KALRN: variants seen among roughly 807,000 people sequenced by gnomAD.
The protein encoded by KALRN is kalirin.
Under a neutral mutation model 353.7 loss-of-function variants are expected in KALRN, and 70 were observed. That is an observed-to-expected ratio of 0.20 (90% confidence interval 0.16 to 0.24). The LOEUF is 0.24. Among genes scored for constraint, KALRN ranks in the 10% least tolerant of loss-of-function variants. KALRN has a pLI of 1.00. For missense variants in KALRN, 2,791 were observed against 3,756.7 expected (o/e 0.74, Z 6.72); for synonymous variants, 1,391 against 1,434.8 (o/e 0.97, Z 0.69).
At chr3:124,375,287 C>G (rs1194351792) in intron 10 of KALRN, among the ~76,000 whole-genome samples, 1 of 152,232 alleles carries the variant, frequency 6.6e-6, no homozygotes, top group African/African-American at 2.4e-5. Flanking sequence ...GCGCACGCCT[C>G]ATTTTGGTCT....
At chr3:124,419,724 T>C (rs1334710071) in intron 14 of KALRN, among the ~76,000 whole-genome samples, 1 of 152,150 alleles carries the variant, frequency 6.6e-6, no homozygotes, top group African/African-American at 2.4e-5. Flanking sequence ...GATTGGAGTA[T>C]GGGCACAGGA....
intron 4 of KALRN, among the ~76,000 whole-genome samples, chr3:124,267,381 T>TTA (rs1411337896): frequency 6.6e-6 from 1 of 152,186 alleles, no homozygotes; most frequent in African/African-American, 2.4e-5. Flanking sequence ...ATTCTGCATT[T>TTA]CTAACAAGCT....
intron 1 of KALRN, among the ~76,000 whole-genome samples, chr3:124,090,250 C>G (rs2061038346): frequency 6.6e-6 from 1 of 152,038 alleles, no homozygotes; most frequent in Non-Finnish European, 1.5e-5. Flanking sequence ...TGGTTTAGAG[C>G]CCAGGGCAGT....
Position 124,492,805 on chromosome 3 carries a change from C to A in KALRN, c.4755C>A (p.Ile1585=). ...TTCGAGAAGTGATTCAAGAAAGGAT[C>A]ATTCACCTGAAAGGAGCTTTAAAGG... ...KNIREVIQER[I]IHLKGALKEP... The change falls in exon 32 of 60, where the codon ATC becomes ATA. Residue 1585 remains isoleucine (I), a synonymous_variant. Transcript: ENST00000682506. 1 of 1,614,070 alleles carries A rather than the reference C, an allele frequency of 6.2e-7. No individual in the cohort carries two copies. The highest frequency in any genetic ancestry group is 1.1e-5 in the South Asian group (1 of 91,078).
At chr3:124,132,311 G>T (rs1276964189) in intron 1 of KALRN, among the ~76,000 whole-genome samples, 2 of 152,108 alleles carry the variant, frequency 1.3e-5, no homozygotes, top group Non-Finnish European at 2.9e-5. Context: ...TGCTTAGTTT[G>T]GGGCCACATT....
At chr3:124,052,619 C>T (rs2041148178) in intron 1 of KALRN, among the ~76,000 whole-genome samples, 1 of 152,076 alleles carries the variant, frequency 6.6e-6, no homozygotes, top group South Asian at 2.1e-4. Context: ...GCCATCTTGG[C>T]TCTCTTACAT....
chr3:124,441,265 G>A (rs1262218618), intron 18 of KALRN, among the ~76,000 whole-genome samples: 1 of 152,224 alleles, frequency 6.6e-6, no homozygotes, highest in East Asian at 1.9e-4. Context: ...GGTCACGTAA[G>A]AGGCATTCTG....
At chr3:124,398,658 A>T in intron 12 of KALRN, 39 bp from the exon 13 acceptor site, 1 of 1,608,554 alleles carries the variant, frequency 6.2e-7, no homozygotes, top group Non-Finnish European at 8.5e-7. Context: ...TAACATGGAA[A>T]GGCCTCTCCC....
chr3:124,450,715 A>G (rs963894916), intron 21 of KALRN, among the ~76,000 whole-genome samples: 3 of 152,062 alleles, frequency 2.0e-5, no homozygotes, highest in Non-Finnish European at 4.4e-5. Flanking sequence ...GGTGCTTGCC[A>G]CCAGGTCTGG....
chr3:124,640,037 C>T (rs2081859605), intron 37 of KALRN, among the ~76,000 whole-genome samples: 1 of 152,104 alleles, frequency 6.6e-6, no homozygotes, highest in Non-Finnish European at 1.5e-5. Context: ...TTTTCACCTT[C>T]GAGACTCTTA....
At chr3:124,605,893 C>T (rs1032712608) in intron 34 of KALRN, among the ~76,000 whole-genome samples, 2 of 152,120 alleles carry the variant, frequency 1.3e-5, no homozygotes, top group African/African-American at 2.4e-5. Context: ...TTCCATTACA[C>T]GAGTGAAATC....
chr3:124,291,402 A>G (rs1376541525), intron 5 of KALRN, among the ~76,000 whole-genome samples: 1 of 152,180 alleles, frequency 6.6e-6, no homozygotes, highest in East Asian at 1.9e-4. Flanking sequence ...CATAAGAAAC[A>G]TGATTTAGCA....
At chr3:124,348,577 T>C (rs765383403) in intron 10 of KALRN, among the ~76,000 whole-genome samples, 4 of 152,154 alleles carry the variant, frequency 2.6e-5, no homozygotes, top group Non-Finnish European at 4.4e-5. Context: ...TATAGAACCC[T>C]TGTGCACTGT....
At chr3:124,198,569 G>A (rs1331814598) in intron 1 of KALRN, among the ~76,000 whole-genome samples, 1 of 152,160 alleles carries the variant, frequency 6.6e-6, no homozygotes, top group East Asian at 1.9e-4. Flanking sequence ...GCTACCAGGG[G>A]CTTCTCCCAG....
chr3:124,657,570 C>T lies in KALRN; in HGVS notation c.5966+19C>T. 6.3e-7 allele frequency: 1 copy of T among 1,584,260 alleles called. No individual in the cohort carries two copies. The highest frequency in any genetic ancestry group is 1.1e-5 in the South Asian group (1 of 90,408). On this transcript the variant is annotated intron_variant, in intron 40 of 59. Coordinates refer to ENST00000682506, the MANE Select transcript of KALRN (RefSeq NM_001388419.1). ...ATAAGGAGTAAGTGTTAATGCTGCC[C>T]CGAGGATCCAGTGTCCTGGGAATCC...
intron 33 of KALRN, among the ~76,000 whole-genome samples, chr3:124,555,427 A>G (rs1407103212): frequency 7.4e-6 from 1 of 134,682 alleles, no homozygotes; most frequent in Non-Finnish European, 1.5e-5. Flanking sequence ...ATAAATAAAT[A>G]AATAAATAAA....
chr3:124,036,444 A>G (rs546035481), intron 1 of KALRN, among the ~76,000 whole-genome samples: 5 of 148,374 alleles, frequency 3.4e-5, no homozygotes, highest in Middle Eastern at 3.4e-3. Flanking sequence ...CATGTACCAC[A>G]TTTTCTTTAT....
chr3:124,126,501 GC>G (rs2064691791), intron 1 of KALRN, among the ~76,000 whole-genome samples: 1 of 152,098 alleles, frequency 6.6e-6, no homozygotes, highest in African/African-American at 2.4e-5. Context: ...ACATCCCCTG[GC>G]CACTCTTCTC....
intron 33 of KALRN, among the ~76,000 whole-genome samples, chr3:124,521,337 A>G (rs2067145443): frequency 6.6e-6 from 1 of 152,228 alleles, no homozygotes; most frequent in Non-Finnish European, 1.5e-5. Context: ...CAAGTAACAC[A>G]TGAGTGGATA....
Sources: gnomAD v4.1 joint callset for allele counts (sites outside exome capture counted in the v4.1 genomes callset) on GRCh38, gnomAD v4.1.1 for gene constraint, MANE v1.5 for transcripts, NCBI Gene and HGNC (gene_info 2026-07-23, HGNC 2026-07-21) for gene names.